TCERG1L: variants seen among roughly 807,000 people sequenced by gnomAD.
TCERG1L encodes the protein transcription elongation regulator 1 like.
In TCERG1L, 37 loss-of-function variants were observed where a neutral mutation model predicts 56.3. The observed-to-expected ratio is 0.66, with a 90% CI of 0.51 to 0.87. TCERG1L has a LOEUF of 0.87. Ranked by LOEUF, TCERG1L falls within the 40% of genes least tolerant of loss-of-function variation. The probability of loss-of-function intolerance (pLI) is 0.00; values close to 1 mark genes in which losing one functional copy is unlikely to be tolerated. For missense variants in TCERG1L, 799 were observed against 774.2 expected, an observed-to-expected ratio of 1.03 and a Z score of -0.38; for synonymous variants, 324 against 326.3, an observed-to-expected ratio of 0.99 and a Z score of 0.08.
chr10:131,179,828 C>A (rs1045776554), intron 4 of TCERG1L, among the ~76,000 whole-genome samples: 1 of 152,164 alleles, frequency 6.6e-6, no homozygotes, highest in African/African-American at 2.4e-5. Context: ...GAAGTTAAGG[C>A]CCAGGCACCC....
At chr10:131,121,481 G>A (rs1469660229) in intron 8 of TCERG1L, among the ~76,000 whole-genome samples, 2 of 152,196 alleles carry the variant, frequency 1.3e-5, no homozygotes, top group African/African-American at 4.8e-5. Flanking sequence ...TAAACATCTT[G>A]ACTCTGCCAT....
chr10:131,260,380 G>A lies in TCERG1L; in HGVS notation c.735C>T (p.Ala245=), dbSNP rs764327894. The A allele has an allele frequency of 1.6e-5, 24 of 1,486,386 alleles. No homozygotes were observed. The highest frequency in any genetic ancestry group is 8.9e-5 in the African/African-American group (6 of 67,718). The allele number at this position is 1,486,386 out of a possible 1,614,324, so 92.1% of individuals were successfully genotyped here. The part of the protein sequence containing the change: ...SPAIAIATAA[A]AAMVSVDPEN... Reference sequence around the variant, plus strand: ...CAGGGTCCACGGAGACCATGGCAGCGGCGGCGGCGGTGGCGATGGCAATGG... The same window carrying A: ...CAGGGTCCACGGAGACCATGGCAGCAGCGGCGGCGGTGGCGATGGCAATGG... Residue 245 remains alanine, a synonymous_variant, in exon 4 of 12, where the codon GCC becomes GCT. Transcript: ENST00000368642. This position sits in a 1 kb window ranked among gnomAD's most constrained non-coding sequence, Gnocchi z 5.8.
At chr10:131,165,765 T>C (rs900283181) in intron 5 of TCERG1L, among the ~76,000 whole-genome samples, 4 of 152,182 alleles carry the variant, frequency 2.6e-5, no homozygotes, top group South Asian at 2.1e-4. Context: ...AGGCTGGGGT[T>C]CTCTACTGCT....
At chr10:131,122,111 C>G (rs546508432) in intron 8 of TCERG1L, among the ~76,000 whole-genome samples, 1 of 152,204 alleles carries the variant, frequency 6.6e-6, no homozygotes, top group Admixed American at 6.5e-5. Flanking sequence ...AGAGTGGATT[C>G]GGAACCTAAA....
chr10:131,231,016 A>C (rs1423288230), intron 4 of TCERG1L, among the ~76,000 whole-genome samples: 1 of 151,100 alleles, frequency 6.6e-6, no homozygotes, highest in African/African-American at 2.4e-5. Flanking sequence ...CGCTCCTAGA[A>C]CTATGAAAGA....
intron 4 of TCERG1L, among the ~76,000 whole-genome samples, chr10:131,172,675 C>G (rs1196341190): frequency 6.6e-6 from 1 of 152,226 alleles, no homozygotes; most frequent in Non-Finnish European, 1.5e-5. Flanking sequence ...ACATGCACGC[C>G]TGTCCAGTCG....
intron 7 of TCERG1L, among the ~76,000 whole-genome samples, chr10:131,138,382 G>A (rs1845697928): frequency 6.6e-6 from 1 of 152,200 alleles, no homozygotes; most frequent in African/African-American, 2.4e-5. Context: ...CACACGGTGA[G>A]GAATACAGGC....
At chr10:131,136,773 G>A (rs772583159) in intron 7 of TCERG1L, among the ~76,000 whole-genome samples, 41 of 151,696 alleles carry the variant, frequency 2.7e-4, no homozygotes, top group Non-Finnish European at 4.3e-4. Context: ...TGGGATTACA[G>A]GCGTGAGCCA....
At chr10:131,223,428 C>CTA (rs1427513917) in intron 4 of TCERG1L, among the ~76,000 whole-genome samples, 2 of 152,206 alleles carry the variant, frequency 1.3e-5, no homozygotes, top group Non-Finnish European at 2.9e-5. Flanking sequence ...CCAGAGAGAG[C>CTA]TAGATGCCGA....
chr10:131,152,163 C>A (rs1363064201), intron 6 of TCERG1L, among the ~76,000 whole-genome samples: 2 of 152,200 alleles, frequency 1.3e-5, no homozygotes, highest in Non-Finnish European at 2.9e-5. Flanking sequence ...CTGCAGCTGG[C>A]TTGAATTTTT....
chr10:131,168,060 T>G (rs1308663188), intron 4 of TCERG1L, among the ~76,000 whole-genome samples: 10 of 152,120 alleles, frequency 6.6e-5, no homozygotes, highest in African/African-American at 2.4e-4. Flanking sequence ...GATCCAGAGC[T>G]CAAGACTGGG....
chr10:131,216,359 T>C (rs1158875915), intron 4 of TCERG1L, among the ~76,000 whole-genome samples: 3 of 152,162 alleles, frequency 2.0e-5, no homozygotes, highest in African/African-American at 7.2e-5. Context: ...CCTTGTACCA[T>C]CTACTGTCGC....
At chr10:131,280,159 G>A (rs1448170613) in intron 3 of TCERG1L, among the ~76,000 whole-genome samples, 1 of 152,192 alleles carries the variant, frequency 6.6e-6, no homozygotes, top group East Asian at 1.9e-4. Context: ...TGGGAAGACT[G>A]GAAGCAGGAG....
intron 4 of TCERG1L, among the ~76,000 whole-genome samples, chr10:131,235,080 G>A (rs1045958831): frequency 3.3e-5 from 5 of 152,140 alleles, no homozygotes; most frequent in African/African-American, 7.2e-5. Flanking sequence ...AAACAGCACC[G>A]CAGGGCCCAG....
intron 4 of TCERG1L, among the ~76,000 whole-genome samples, chr10:131,198,719 C>A (rs1362825695): frequency 3.3e-5 from 5 of 152,180 alleles, no homozygotes. Flanking sequence ...TGTGGGGAGC[C>A]CTGCTCTCAT....
intron 4 of TCERG1L, among the ~76,000 whole-genome samples, chr10:131,202,551 A>G (rs893390957): frequency 2.8e-4 from 43 of 152,336 alleles, no homozygotes; most frequent in Non-Finnish European, 4.3e-4. Flanking sequence ...ACTGCACTCC[A>G]GCCTGGGTGA....
chr10:131,274,964 G>A (rs78908086), intron 3 of TCERG1L, among the ~76,000 whole-genome samples: 3,088 of 152,250 alleles, frequency 0.02, 78 homozygotes, highest in East Asian at 0.077. Flanking sequence ...GCACAGACCT[G>A]GAAGACCCCT....
intron 4 of TCERG1L, among the ~76,000 whole-genome samples, chr10:131,199,104 G>A (rs931821598): frequency 6.6e-6 from 1 of 152,164 alleles, no homozygotes; most frequent in African/African-American, 2.4e-5. Context: ...TGGCTCTCTG[G>A]GCCTGTGAAG....
At chr10:131,137,543 C>T (rs1271216145) in intron 7 of TCERG1L, among the ~76,000 whole-genome samples, 1 of 152,204 alleles carries the variant, frequency 6.6e-6, no homozygotes, top group African/African-American at 2.4e-5. Flanking sequence ...TCCAGCTCTG[C>T]CTGGAAGAAG....
Sources: allele counts gnomAD v4.1 joint callset (sites outside exome capture counted in the v4.1 genomes callset), GRCh38; gene constraint gnomAD v4.1.1; non-coding constraint Gnocchi (gnomAD v3.1); transcripts MANE v1.5; gene names NCBI Gene and HGNC (gene_info 2026-07-23, HGNC 2026-07-21).